The following CCDC169 variants were observed in gnomAD, a reference collection of about 807,000 sequenced individuals.
The protein encoded by CCDC169 is coiled-coil domain-containing protein 169.
In CCDC169, 30 loss-of-function variants were observed where a neutral mutation model predicts 36.0. That is an observed-to-expected ratio of 0.83 (90% CI 0.62 to 1.13). The LOEUF (loss-of-function observed/expected upper bound fraction) is 1.13. Ranked by LOEUF, CCDC169 falls within the 50% of genes most tolerant of loss-of-function variation. The pLI is 0.00. For missense variants in CCDC169, 245 were observed against 245.9 expected, an observed-to-expected ratio of 1.00 and a Z score of 0.03; for synonymous variants, 85 against 81.5, an observed-to-expected ratio of 1.04 and a Z score of -0.23.
rs188581920 is a variant in CCDC169 at position 36,287,844 on chromosome 13, G to C, written c.164-4142C>G. On this transcript the variant is annotated intron_variant, in intron 2 of 7. Transcript: ENST00000239859. ...CTCAACCAAAAACAGAATAATCTTTGTGTATTTTTTTTTGACAAATAAGAC... is the reference window on the plus strand; with the variant it reads ...CTCAACCAAAAACAGAATAATCTTTCTGTATTTTTTTTTGACAAATAAGAC... Among the ~76,000 whole-genome samples the C allele has an allele frequency of 6.0e-3, 916 of 151,952 alleles. 9 individuals are homozygous for C. The highest frequency in any genetic ancestry group is 0.021 in the African/African-American group (891 of 41,510).
chr13:36,245,751 T>G (rs1872436125), intron 7 of CCDC169, among the ~76,000 whole-genome samples: 1 of 152,230 alleles, frequency 6.6e-6, no homozygotes, highest in Non-Finnish European at 1.5e-5. Flanking sequence ...AGGCATACCT[T>G]GTCTTATTAT....
chr13:36,231,375 T>C, intron 7 of CCDC169, 83 bp from the exon 8 acceptor site: 3 of 1,315,418 alleles, frequency 2.3e-6, no homozygotes, highest in African/African-American at 1.5e-5. Context: ...GGAAGAAATG[T>C]ATATTGCACC....
chr13:36,295,816 A>G lies in CCDC169; in HGVS notation c.125T>C (p.Ile42Thr). Reference sequence around the variant, plus strand: ...ATTGAGTTTGGCTTCCAGTTCCGTAATCTTGTGTCTTAGTTCAAATATTGA... The same window carrying G: ...ATTGAGTTTGGCTTCCAGTTCCGTAGTCTTGTGTCTTAGTTCAAATATTGA... Reference protein sequence around the residue: ...QLSIFELRHKITELEAKLNTD... With the variant: ...QLSIFELRHKTTELEAKLNTD... The change falls in exon 2 of 8, where the codon ATT becomes ACT. Residue 42 changes from isoleucine to threonine, a missense_variant. Transcript: ENST00000239859. 1 of 1,545,070 alleles carries G rather than the reference A, an allele frequency of 6.5e-7. No individual in the cohort carries two copies. The highest frequency in any genetic ancestry group is 8.8e-7 in the Non-Finnish European group (1 of 1,142,168).
downstream of CCDC169, among the ~76,000 whole-genome samples, chr13:36,229,442 A>T (rs1009832372): frequency 1.3e-5 from 2 of 152,124 alleles, no homozygotes; most frequent in Admixed American, 1.3e-4. Flanking sequence ...AGTGATTGAG[A>T]TAACTTTAAA....
chr13:36,253,482 G>A (rs1043370837), intron 6 of CCDC169, among the ~76,000 whole-genome samples: 1 of 151,684 alleles, frequency 6.6e-6, no homozygotes, highest in African/African-American at 2.4e-5. Flanking sequence ...GACTACAGGC[G>A]CCCACCACCA....
chr13:36,263,260 G>A (rs181925871), intron 4 of CCDC169, among the ~76,000 whole-genome samples: 3 of 152,262 alleles, frequency 2.0e-5, no homozygotes, highest in Non-Finnish European at 2.9e-5. Flanking sequence ...ATCCCCAACT[G>A]ATAACTGATC....
chr13:36,271,429 T>G (rs1876042187), intron 4 of CCDC169, among the ~76,000 whole-genome samples: 2 of 151,970 alleles, frequency 1.3e-5, no homozygotes, highest in Non-Finnish European at 2.9e-5. Context: ...GAAAAAGAAG[T>G]CATTATACAA....
At chr13:36,233,230 TCAG>T (rs1870654495) in intron 7 of CCDC169, among the ~76,000 whole-genome samples, 1 of 151,652 alleles carries the variant, frequency 6.6e-6, no homozygotes, top group Admixed American at 6.6e-5. Flanking sequence ...AGCAGAGACT[TCAG>T]TGTCCACCCC....
intron 7 of CCDC169, among the ~76,000 whole-genome samples, chr13:36,233,339 GA>G (rs890180871): frequency 1.1e-4 from 16 of 152,060 alleles, no homozygotes; most frequent in Non-Finnish European, 2.2e-4. Flanking sequence ...GGAGGGGAAA[GA>G]AACTAATATA....
intron 4 of CCDC169, among the ~76,000 whole-genome samples, chr13:36,271,527 GTAGA>G (rs932081533): frequency 6.6e-6 from 1 of 152,106 alleles, no homozygotes; most frequent in African/African-American, 2.4e-5. Flanking sequence ...CAGCTAACAA[GTAGA>G]TAAAGAAAAT....
chr13:36,280,713 T>C (rs1362087942), intron 4 of CCDC169: 2 of 152,214 alleles, frequency 1.3e-5, no homozygotes, highest in Non-Finnish European at 2.9e-5. Flanking sequence ...CTGTCTACAG[T>C]GGATATGTTT....
chr13:36,246,850 C>A (rs182354691), intron 7 of CCDC169, among the ~76,000 whole-genome samples: 1 of 152,284 alleles, frequency 6.6e-6, no homozygotes, highest in East Asian at 1.9e-4. Flanking sequence ...TCTGGAGATA[C>A]CCCTATCTCA....
chr13:36,227,206 T>C (rs779405960), downstream of CCDC169: 80 of 1,534,142 alleles, frequency 5.2e-5, no homozygotes, highest in Non-Finnish European at 6.8e-5. Flanking sequence ...TACTTTTAGC[T>C]CTTCAGGTGA....
chr13:36,273,396 T>C (rs1349713385), intron 4 of CCDC169, among the ~76,000 whole-genome samples: 4 of 152,158 alleles, frequency 2.6e-5, no homozygotes, highest in Non-Finnish European at 4.4e-5. Context: ...GGGAAGAATA[T>C]GGGTTTGTGA....
chr13:36,248,276 C>T lies in CCDC169; in HGVS notation c.545+330G>A, dbSNP rs141117699. ...TCATTACAGTGATCCGGAACCAAAC[C>T]CATAATATCTCCAAGGTATGCCTGT... On this transcript the variant is annotated intron_variant, in intron 7 of 7. Transcript: ENST00000239859. Among the ~76,000 whole-genome samples the T allele has an allele frequency of 3.3e-4, 50 of 152,084 alleles. 2 individuals are homozygous for T. Among genetic ancestry groups the T allele is most frequent in the Admixed American group, 3.0e-3 (46 of 15,254 alleles).
chr13:36,290,705 T>G (rs2138643161), intron 2 of CCDC169, among the ~76,000 whole-genome samples: 1 of 152,288 alleles, frequency 6.6e-6, no homozygotes, highest in East Asian at 1.9e-4. Context: ...ATAACTCAAC[T>G]TTATAATCTT....
intron 6 of CCDC169, among the ~76,000 whole-genome samples, chr13:36,251,780 A>C (rs1873205345): frequency 6.6e-6 from 1 of 152,158 alleles, no homozygotes; most frequent in Non-Finnish European, 1.5e-5. Context: ...GCAATAAGGG[A>C]CCAAGAGGAA....
chr13:36,267,451 T>A (rs749148937), intron 4 of CCDC169, among the ~76,000 whole-genome samples: 1 of 152,120 alleles, frequency 6.6e-6, no homozygotes, highest in Non-Finnish European at 1.5e-5. Context: ...TAAGAAATGC[T>A]AAAAGGAGTT....
chr13:36,282,919 A>C (rs957771841), intron 4 of CCDC169: 9 of 153,668 alleles, frequency 5.9e-5, no homozygotes, highest in Non-Finnish European at 4.3e-5. Context: ...AGTTATCAAG[A>C]AGCAGGTAGA....
Sources: allele counts gnomAD v4.1 joint callset (sites outside exome capture counted in the v4.1 genomes callset), GRCh38; gene constraint gnomAD v4.1.1; transcripts MANE v1.5; gene names NCBI Gene and HGNC (gene_info 2026-07-23, HGNC 2026-07-21).